The following SNX29 variants were observed in gnomAD, a reference collection of about 807,000 sequenced individuals.
SNX29 encodes the protein sorting nexin-29.
SNX29 carries 78 observed loss-of-function variants against 102.1 expected under a neutral mutation model. The observed-to-expected ratio is 0.76, with a 90% CI of 0.64 to 0.92. The LOEUF (loss-of-function observed/expected upper bound fraction) is 0.92, where lower values mean the gene tolerates loss of function less well. Ranked by LOEUF, SNX29 falls within the 40% of genes least tolerant of loss-of-function variation. SNX29 has a pLI of 0.00. For missense variants in SNX29, 1,280 were observed against 1,061.7 expected, an observed-to-expected ratio of 1.21 and a Z score of -2.86; for synonymous variants, 580 against 414.5, an observed-to-expected ratio of 1.40 and a Z score of -4.85.
intron 15 of SNX29, among the ~76,000 whole-genome samples, chr16:12,306,251 C>G (rs138847379): frequency 3.9e-4 from 59 of 152,260 alleles, no homozygotes; most frequent in African/African-American, 1.3e-3. Context: ...TCTGTGTACT[C>G]TTAACCACTG....
intron 20 of SNX29, among the ~76,000 whole-genome samples, chr16:12,558,119 C>T (rs76831236): frequency 0.011 from 1,714 of 152,298 alleles, 32 homozygotes; most frequent in African/African-American, 0.038. Flanking sequence ...AATTAGAAGA[C>T]CAGCAGCATT....
intron 15 of SNX29, among the ~76,000 whole-genome samples, chr16:12,292,604 G>A (rs1047342446): frequency 2.6e-5 from 4 of 152,242 alleles, no homozygotes; most frequent in African/African-American, 7.2e-5. Context: ...ATTGTAAGGG[G>A]CACTGCCAGA....
chr16:12,270,421 C>A (rs777504276), intron 14 of SNX29, among the ~76,000 whole-genome samples: 1 of 152,112 alleles, frequency 6.6e-6, no homozygotes, highest in Non-Finnish European at 1.5e-5. Context: ...TTCCTTAATA[C>A]CCAGATGTTC....
intron 19 of SNX29, among the ~76,000 whole-genome samples, chr16:12,481,414 A>G (rs145090780): frequency 6.6e-6 from 1 of 151,118 alleles, no homozygotes; most frequent in African/African-American, 2.4e-5. Context: ...ACACACACAT[A>G]TACATACACA....
At chr16:12,454,934 G>C (rs1284714303) in intron 18 of SNX29, among the ~76,000 whole-genome samples, 5 of 152,108 alleles carry the variant, frequency 3.3e-5, no homozygotes, top group Non-Finnish European at 1.5e-5. Context: ...TTTTAGCAGA[G>C]ATGGGGTTTC....
At chr16:12,527,321 CA>C (rs2076812895) in intron 20 of SNX29, 1 of 530,462 alleles carries the variant, frequency 1.9e-6, no homozygotes, top group African/African-American at 1.9e-5. Flanking sequence ...ACTGCTGTCT[CA>C]GCTGGAAAGC....
At position 12,272,487 on chromosome 16, in the gene SNX29, G is replaced by A. The variant is rs115045827; in HGVS notation, c.1679-5446G>A. On this transcript the variant is annotated intron_variant, in intron 14 of 20. Transcript: ENST00000566228. The stretch of plus-strand genomic sequence containing the variant: ...CAGCCAGCTTCATGCTGCGGTGCCT[G>A]CCAAGGTATCTGTGTCCTGGTTGCC... 6.9e-3 allele frequency among the ~76,000 whole-genome samples: 1,049 copies of A among 152,318 alleles called. 13 individuals are homozygous for A. Among genetic ancestry groups the A allele is most frequent in the African/African-American group, 0.024 (994 of 41,562 alleles).
chr16:12,039,822 T>C (rs1248070174), intron 4 of SNX29, among the ~76,000 whole-genome samples: 1 of 152,224 alleles, frequency 6.6e-6, no homozygotes, highest in East Asian at 1.9e-4. Context: ...TTACTAACTG[T>C]GTTGCTGGGC....
intron 18 of SNX29, among the ~76,000 whole-genome samples, chr16:12,414,460 C>T (rs567977579): frequency 3.3e-5 from 5 of 152,300 alleles, no homozygotes; most frequent in African/African-American, 9.6e-5. Context: ...GTGGGACCTT[C>T]TAAGTGTGGT....
chr16:12,349,707 T>A (rs1044425594), intron 15 of SNX29, among the ~76,000 whole-genome samples: 1 of 152,240 alleles, frequency 6.6e-6, no homozygotes, highest in Non-Finnish European at 1.5e-5. Context: ...CAGGCGTTGA[T>A]AGCATTGGTT....
At chr16:12,107,711 G>A (rs2053323385) in intron 11 of SNX29, among the ~76,000 whole-genome samples, 1 of 152,168 alleles carries the variant, frequency 6.6e-6, no homozygotes, top group Non-Finnish European at 1.5e-5. Flanking sequence ...TGACGAGTGG[G>A]TGGTGGGCAC....
chr16:12,542,981 G>A (rs916795106), intron 20 of SNX29, among the ~76,000 whole-genome samples: 2 of 152,130 alleles, frequency 1.3e-5, no homozygotes, highest in Non-Finnish European at 2.9e-5. Context: ...TACTACTCCT[G>A]TAACTATGAA....
At chr16:11,990,016 G>T (rs1447958179) in intron 1 of SNX29, among the ~76,000 whole-genome samples, 2 of 152,200 alleles carry the variant, frequency 1.3e-5, no homozygotes, top group African/African-American at 4.8e-5. Flanking sequence ...AAAATGTCAG[G>T]TCTGTCACCT....
At chr16:12,088,593 T>C (rs2052335984) in intron 11 of SNX29, among the ~76,000 whole-genome samples, 1 of 152,190 alleles carries the variant, frequency 6.6e-6, no homozygotes, top group African/African-American at 2.4e-5. Flanking sequence ...AAAAGAGAGA[T>C]TTCTTTCTTT....
chr16:12,568,160 C>T (rs537746554), intron 20 of SNX29, among the ~76,000 whole-genome samples: 1 of 152,256 alleles, frequency 6.6e-6, no homozygotes, highest in East Asian at 1.9e-4. Flanking sequence ...AGAAGCGTAC[C>T]TTTGCTGGAA....
intron 13 of SNX29, among the ~76,000 whole-genome samples, chr16:12,162,475 G>T (rs1304334982): frequency 6.6e-6 from 1 of 152,214 alleles, no homozygotes; most frequent in African/African-American, 2.4e-5. Flanking sequence ...CACAACTACT[G>T]AAGTCTGCTG....
At chr16:12,145,096 C>G (rs1164098235) in intron 13 of SNX29, among the ~76,000 whole-genome samples, 1 of 151,988 alleles carries the variant, frequency 6.6e-6, no homozygotes, top group East Asian at 1.9e-4. Context: ...TTTGCTCACC[C>G]AATGTAAAGC....
At chr16:12,133,385 G>T (rs1421511846) in intron 13 of SNX29, among the ~76,000 whole-genome samples, 3 of 147,462 alleles carry the variant, frequency 2.0e-5, no homozygotes, top group African/African-American at 7.6e-5. Flanking sequence ...CCGCCTCCTG[G>T]GCTCAAGCAA....
chr16:12,570,067 A>G lies in SNX29; in HGVS notation c.*1438A>G, dbSNP rs894017934. On this transcript the variant is annotated 3_prime_UTR_variant, in exon 21 of 21. Transcript: ENST00000566228. ...GGCTCGAGGACATCTCTGGAGAATC[A>G]TCTGGAAGGTTTATACTGTGCCTTC... The G allele has an allele frequency of 2.3e-5, 15 of 651,570 alleles. No homozygotes were observed. Among genetic ancestry groups the G allele is most frequent in the Non-Finnish European group, 3.0e-5 (15 of 501,934 alleles). 40.4% of individuals were successfully genotyped at this position (651,570 alleles called of 1,614,324 possible).
Sources: allele counts gnomAD v4.1 joint callset (sites outside exome capture counted in the v4.1 genomes callset), GRCh38; gene constraint gnomAD v4.1.1; transcripts MANE v1.5; gene names NCBI Gene and HGNC (gene_info 2026-07-23, HGNC 2026-07-21).